ALG1: variants seen among roughly 807,000 people sequenced by gnomAD.
ALG1 encodes ALG1 chitobiosyldiphosphodolichol beta-mannosyltransferase, also known as chitobiosyldiphosphodolichol beta-mannosyltransferase.
Under a neutral mutation model 55.1 loss-of-function variants are expected in ALG1, and 58 were observed. That is an observed-to-expected ratio of 1.05 (90% CI 0.85 to 1.31). The LOEUF is 1.31. ALG1 is among the 50% of genes most tolerant of loss of function. ALG1 has a pLI of 0.00. For synonymous variants in ALG1, 309 were observed against 247.0 expected (o/e 1.25, Z -2.35); for missense variants, 761 against 598.6 (o/e 1.27, Z -2.83).
Position 5,072,989 on chromosome 16 carries a change from A to G in ALG1, c.247A>G (p.Ile83Val). The G allele has an allele frequency of 6.2e-7, 1 of 1,614,226 alleles. No homozygotes were observed. The highest frequency in any genetic ancestry group is 8.5e-7 in the Non-Finnish European group (1 of 1,180,044). The change falls in exon 2 of 13, where the codon ATT becomes GTT. Residue 83 changes from isoleucine to valine, a missense_variant. By Grantham distance (29) the Ile-to-Val change is conservative. Transcript: ENST00000262374. ...TGATGAGCTCTTGCAGAACAACAGAATTCAGATTGTGGGGTTGACAGAACT... is the reference window on the plus strand; with the variant it reads ...TGATGAGCTCTTGCAGAACAACAGAGTTCAGATTGTGGGGTTGACAGAACT... ...PHDELLQNNR[I>V]QIVGLTELQS... is the part of the protein sequence containing the mutation.
At position 5,072,967 on chromosome 16, in the gene ALG1, T is replaced by A. The variant is rs1205327334; in HGVS notation, c.225T>A (p.Asp75Glu). The A allele has an allele frequency of 2.5e-6, 4 of 1,614,060 alleles. No homozygotes were observed. Among genetic ancestry groups the A allele is most frequent in the Non-Finnish European group, 3.4e-6 (4 of 1,180,002 alleles). ...LLGFCNSKPH[D>E]ELLQNNRIQI... is the part of the protein sequence containing the mutation. Reference sequence around the variant, plus strand: ...ATTTTTCAGACTCCAAACCCCATGATGAGCTCTTGCAGAACAACAGAATTC... The same window carrying A: ...ATTTTTCAGACTCCAAACCCCATGAAGAGCTCTTGCAGAACAACAGAATTC... Residue 75 changes from aspartate to glutamate, a missense_variant, in exon 2 of 13, where the codon GAT becomes GAA. Asp to Glu is a conservative substitution (Grantham distance 45). Coordinates refer to ENST00000262374, the MANE Select transcript of ALG1 (RefSeq NM_019109.5).
rs1380106704 is a variant in ALG1, at chr16:5,085,043, G to C, written c.*162G>C. On this transcript the variant is annotated 3_prime_UTR_variant, in exon 13 of 13. Transcript: ENST00000262374. ...TAAAAGAATTGGTTCTGTGACCCGG[G>C]AAGCTTTGGTTGGCCTTGATTTCTT... 8 of 1,369,800 alleles carry C rather than the reference G, an allele frequency of 5.8e-6. No individual in the cohort carries two copies. The Admixed American group carries it at 1.2e-4, about 21-fold the overall frequency. 84.9% of individuals were successfully genotyped at this position (1,369,800 alleles called of 1,614,324 possible).
intron 3 of ALG1, among the ~76,000 whole-genome samples, chr16:5,075,054 C>T (rs1477968071): frequency 6.6e-6 from 1 of 152,090 alleles, no homozygotes; most frequent in Non-Finnish European, 1.5e-5. Context: ...CAGGTGTGTC[C>T]CACCACACCT....
At chr16:5,078,958 C>T in intron 7 of ALG1, 80 bp downstream of exon 7, 2 of 1,595,526 alleles carry the variant, frequency 1.3e-6, no homozygotes, top group South Asian at 2.2e-5. Context: ...CCTGCCAGTC[C>T]TGCATGCTCC....
At chr16:5,078,137 A>T in intron 6 of ALG1, 120 bp downstream of exon 6, 2 of 1,108,388 alleles carry the variant, frequency 1.8e-6, no homozygotes, top group Admixed American at 3.9e-5. Context: ...GCTACAGGCC[A>T]GTCTGCTGCT....
intron 12 of ALG1, 94 bp from the exon 13 acceptor site, chr16:5,084,656 T>C: frequency 6.4e-7 from 1 of 1,569,926 alleles, no homozygotes; most frequent in South Asian, 1.1e-5. Context: ...GGAGGGGTTG[T>C]TGTTGGGTCG....
rs767847291 is a variant in ALG1 at position 5,073,305 on chromosome 16, A to C, written c.390+49A>C. The C allele has an allele frequency of 2.0e-6, 3 of 1,532,920 alleles. No homozygotes were observed. The African/African-American group carries it at 4.1e-5, about 21-fold the overall frequency. The allele number at this position is 1,532,920 out of a possible 1,614,324, so 95.0% of individuals were successfully genotyped here. A position where few individuals can be genotyped will look rare whatever the true frequency, so the allele number is the denominator to read the frequency against. ...TCTGTGAGAGCCATGTTAGCAGTTTACTTTCCAGCACAAATTGGTACTATA... is the reference window on the plus strand; with the variant it reads ...TCTGTGAGAGCCATGTTAGCAGTTTCCTTTCCAGCACAAATTGGTACTATA... On this transcript the variant is annotated intron_variant, in intron 3 of 12. Transcript: ENST00000262374.
Position 5,075,413 on chromosome 16 carries a change from C to T in ALG1, c.416C>T (p.Ala139Val). Residue 139 changes from alanine (A) to valine (V), a missense_variant, in exon 4 of 13, where the codon GCT (alanine) becomes GTT (valine). Transcript: ENST00000262374. ...AACCCCCCAGGTCTGCCTAGCATTG[C>T]TGTCTGCTGGTTCGTGGGCTGCCTT... ...LQNPPGLPSI[A>V]VCWFVGCLCG... 6.2e-7 allele frequency: 1 copy of T among 1,614,236 alleles called. No homozygotes were observed. Among genetic ancestry groups the T allele is most frequent in the Non-Finnish European group, 8.5e-7 (1 of 1,180,054 alleles).
chr16:5,072,320 T>A (rs1956830774), intron 1 of ALG1: 2 of 1,347,512 alleles, frequency 1.5e-6, no homozygotes, highest in African/African-American at 1.5e-5. Flanking sequence ...GGAACCCAGG[T>A]GCGTGGAACT....
Position 5,078,752 on chromosome 16 carries a change from T to G in ALG1, c.741-5T>G, listed in dbSNP as rs1956960292. ...CTCTCACAGGCTTTTTTTCTGCTCCTTCAGCTCAGAACCTGAGGACCCAGT... is the reference window on the plus strand; with the variant it reads ...CTCTCACAGGCTTTTTTTCTGCTCCGTCAGCTCAGAACCTGAGGACCCAGT... On this transcript the variant is annotated splice_polypyrimidine_tract_variant and splice_region_variant and intron_variant, in intron 6 of 12. Transcript: ENST00000262374. 1 of 1,612,726 alleles carries G rather than the reference T, an allele frequency of 6.2e-7. No homozygotes were observed. The highest frequency in any genetic ancestry group is 8.5e-7 in the Non-Finnish European group (1 of 1,179,784).
intron 9 of ALG1, 117 bp downstream of exon 9, chr16:5,079,924 G>C: frequency 7.4e-7 from 1 of 1,356,000 alleles, no homozygotes; most frequent in Non-Finnish European, 1.1e-6. Context: ...CTGCAGCTCT[G>C]CCATAGGGTC....
At chr16:5,079,620 C>T (rs1345649839) in intron 8 of ALG1, 128 bp from the exon 9 acceptor site, 1 of 1,081,242 alleles carries the variant, frequency 9.2e-7, no homozygotes, top group South Asian at 1.3e-5. Context: ...ACCCAGGAGG[C>T]AGAGGTTGCA....
intron 4 of ALG1, 118 bp downstream of exon 4, chr16:5,075,654 G>C: frequency 7.9e-7 from 1 of 1,266,002 alleles, no homozygotes; most frequent in African/African-American, 1.5e-5. Context: ...AGGAGGTGGG[G>C]TGAGGCTGGT....
In ALG1 at chr16:5,071,936, G is replaced by A. The variant is rs754060914; in HGVS notation, c.87G>A (p.Gly29=). 2 of 1,589,970 alleles carry A rather than the reference G, an allele frequency of 1.3e-6. No individual in the cohort carries two copies. The highest frequency in any genetic ancestry group is 1.1e-5 in the South Asian group (1 of 88,434). The change falls in exon 1 of 13, where the codon GGG becomes GGA. Residue 29 remains glycine, a synonymous_variant. Coordinates refer to ENST00000262374, the MANE Select transcript of ALG1 (RefSeq NM_019109.5). Reference sequence around the variant, plus strand: ...GAGGATGGAAGCGCTGGCGCCGGGGGCGGGCGGCCCGGCATGTAGTAGCGG... The same window carrying A: ...GAGGATGGAAGCGCTGGCGCCGGGGACGGGCGGCCCGGCATGTAGTAGCGG... ...LLGGWKRWRR[G]RAARHVVAVV... is the part of the protein sequence containing the mutation.
intron 1 of ALG1, among the ~76,000 whole-genome samples, chr16:5,072,521 G>C (rs183986771): frequency 3.3e-5 from 5 of 152,178 alleles, no homozygotes; most frequent in Non-Finnish European, 5.9e-5. Flanking sequence ...TATTCTCCAC[G>C]TTGGTATCTT....
At chr16:5,072,441 A>G (rs1040104898) in intron 1 of ALG1, 11 of 435,808 alleles carry the variant, frequency 2.5e-5, no homozygotes, top group East Asian at 1.2e-4. Context: ...CTGCAGACAG[A>G]TGTTTTCATT....
chr16:5,080,604 A>G lies in ALG1; in HGVS notation c.962-342A>G, dbSNP rs567388587. On this transcript the variant is annotated intron_variant, in intron 9 of 12. Transcript: ENST00000262374. The stretch of plus-strand genomic sequence containing the variant: ...TATGCTCTGGGGGCTGTGCCAGGGC[A>G]GGAGGAGTCCTCGTGTCCCCTGTGC... Among the ~76,000 whole-genome samples the G allele has an allele frequency of 3.4e-5, 5 of 148,344 alleles. No individual in the cohort carries two copies. The South Asian group carries it at 6.4e-4, about 19-fold the overall frequency.
chr16:5,077,105 C>G (rs1956927508), intron 4 of ALG1, among the ~76,000 whole-genome samples: 1 of 152,148 alleles, frequency 6.6e-6, no homozygotes, highest in South Asian at 2.1e-4. Context: ...CCTTTTACAG[C>G]AAGAGAGAGG....
At chr16:5,084,380 T>A in intron 12 of ALG1, 1 of 424,976 alleles carries the variant, frequency 2.4e-6, no homozygotes, top group South Asian at 2.2e-5. Context: ...TTGTGATCCT[T>A]GATTCAGACA....
Sources: gnomAD v4.1 joint callset for allele counts (sites outside exome capture counted in the v4.1 genomes callset) on GRCh38, gnomAD v4.1.1 for gene constraint, MANE v1.5 for transcripts, NCBI Gene and HGNC (gene_info 2026-07-23, HGNC 2026-07-21) for gene names.